Variants in PPP1R12A observed in about 807,000 individuals in gnomAD.
The protein encoded by PPP1R12A is protein phosphatase 1 regulatory subunit 12A.
Under a neutral mutation model 139.6 loss-of-function variants are expected in PPP1R12A, and 19 were observed. That is an observed-to-expected ratio of 0.14 (90% CI 0.09 to 0.20). PPP1R12A has a LOEUF of 0.20. Ranked by LOEUF, PPP1R12A falls within the 10% of genes least tolerant of loss-of-function variation. The pLI is 1.00. For synonymous variants in PPP1R12A, 427 were observed against 420.6 expected (o/e 1.02, Z -0.19); for missense variants, 925 against 1,211.5 (o/e 0.76, Z 3.51).
At chr12:79,891,180 A>G (rs1884612163) in intron 1 of PPP1R12A, among the ~76,000 whole-genome samples, 3 of 152,188 alleles carry the variant, frequency 2.0e-5, no homozygotes, top group Non-Finnish European at 4.4e-5. Flanking sequence ...TTTTAAAAAA[A>G]TAAAAAATGA....
intron 14 of PPP1R12A, among the ~76,000 whole-genome samples, chr12:79,801,345 C>CAAAAAAAAAAAAAAAAAAA (rs201977462): frequency 9.9e-5 from 2 of 20,186 alleles, no homozygotes; most frequent in African/African-American, 1.3e-4. Context: ...AACTCTGTCT[C>CAAAAAAAAAAAAAAAAAAA]AAAAAAAAAA....
intron 2 of PPP1R12A, among the ~76,000 whole-genome samples, chr12:79,855,089 T>G (rs1880482812): frequency 6.6e-6 from 1 of 152,006 alleles, no homozygotes; most frequent in Non-Finnish European, 1.5e-5. Context: ...CCCGGGTTCA[T>G]GCCATTCTCC....
intron 22 of PPP1R12A, among the ~76,000 whole-genome samples, chr12:79,785,661 G>T (rs1259566746): frequency 6.6e-6 from 1 of 152,108 alleles, no homozygotes. Context: ...ATGCCTTAGA[G>T]CCTTTAGCAT....
At chr12:79,899,991 T>C (rs1885487889) in intron 1 of PPP1R12A, among the ~76,000 whole-genome samples, 1 of 152,228 alleles carries the variant, frequency 6.6e-6, no homozygotes, top group Admixed American at 6.5e-5. Context: ...ATTCATATAT[T>C]TGTCTTGTCT....
At position 79,781,839 on chromosome 12, in the gene PPP1R12A, T is replaced by C; in HGVS notation, c.2931A>G (p.Arg977=). ...ATQRQERFAD[R]SLLEMEKRER... ...CCCTTTTTTCCATTTCCAACAGTGATCTATCAGCAAATCTTTCTTGTCTCT... is the reference window on the plus strand; with the variant it reads ...CCCTTTTTTCCATTTCCAACAGTGACCTATCAGCAAATCTTTCTTGTCTCT... The change falls in exon 23 of 25, where the codon AGA becomes AGG. Residue 977 remains arginine (R), a synonymous_variant. Transcript: ENST00000450142. 6.5e-7 allele frequency: 1 copy of C among 1,544,568 alleles called. No homozygotes were observed. The highest frequency in any genetic ancestry group is 1.2e-5 in the South Asian group (1 of 82,010).
At chr12:79,865,286 T>A (rs887142028) in intron 2 of PPP1R12A, among the ~76,000 whole-genome samples, 1 of 152,094 alleles carries the variant, frequency 6.6e-6, no homozygotes, top group Non-Finnish European at 1.5e-5. Context: ...TGCTAAAAAC[T>A]CTCAATAAAC....
At chr12:79,927,602 A>C (rs1014829555) in intron 1 of PPP1R12A, among the ~76,000 whole-genome samples, 19 of 152,352 alleles carry the variant, frequency 1.2e-4, no homozygotes, top group African/African-American at 4.6e-4. Flanking sequence ...TTTCTTCTTC[A>C]GACTTCAAAG....
Position 79,845,384 on chromosome 12 carries a change from G to A in PPP1R12A, c.405C>T (p.Val135=), listed in dbSNP as rs1426290715. 1 of 1,613,350 alleles carries A rather than the reference G, an allele frequency of 6.2e-7. No homozygotes were observed. Residue 135 remains valine, a synonymous_variant, in exon 3 of 25, where the codon GTC becomes GTT. Transcript: ENST00000450142. ...CTAAAGGTGTATCTCCTTCACTGTT[G>A]ACAGCCCCTACATGTGCTCCTTGAC... ...LIGQGAHVGA[V]NSEGDTPLDI... is the part of the protein sequence containing the mutation.
At chr12:79,927,032 GAA>G (rs10707326) in intron 1 of PPP1R12A, among the ~76,000 whole-genome samples, 5 of 149,412 alleles carry the variant, frequency 3.3e-5, no homozygotes, top group African/African-American at 5.0e-5. Flanking sequence ...CTCTGTCAAA[GAA>G]AAAAAAAAAT....
At chr12:79,920,393 G>A (rs1160503252) in intron 1 of PPP1R12A, among the ~76,000 whole-genome samples, 1 of 152,212 alleles carries the variant, frequency 6.6e-6, no homozygotes, top group Non-Finnish European at 1.5e-5. Flanking sequence ...GAACTGCTGG[G>A]TCATACGGTA....
intron 2 of PPP1R12A, among the ~76,000 whole-genome samples, chr12:79,846,896 A>G (rs112318765): frequency 1.0e-3 from 158 of 152,202 alleles, no homozygotes; most frequent in African/African-American, 3.7e-3. Flanking sequence ...TGTAGTTCTA[A>G]ATTAAACCAT....
intron 2 of PPP1R12A, among the ~76,000 whole-genome samples, chr12:79,871,920 A>G (rs934907936): frequency 3.9e-5 from 6 of 152,174 alleles, no homozygotes; most frequent in Admixed American, 2.0e-4. Context: ...CAAATTATGG[A>G]AAGATGTCGT....
intron 1 of PPP1R12A, among the ~76,000 whole-genome samples, chr12:79,884,235 G>C (rs1464283569): frequency 6.6e-6 from 1 of 152,068 alleles, no homozygotes; most frequent in African/African-American, 2.4e-5. Context: ...CTGGCTCTTT[G>C]AAAGACATTA....
chr12:79,852,774 C>A (rs993552753), intron 2 of PPP1R12A, among the ~76,000 whole-genome samples: 3 of 152,118 alleles, frequency 2.0e-5, no homozygotes, highest in African/African-American at 2.4e-5. Flanking sequence ...GAAGCTACTG[C>A]TCCCATGTAG....
Position 79,775,936 on chromosome 12 carries a change from G to A in PPP1R12A, c.3086C>T (p.Ser1029Phe). The A allele has an allele frequency of 6.4e-7, 1 of 1,567,474 alleles. No individual in the cohort carries two copies. The highest frequency in any genetic ancestry group is 8.6e-7 in the Non-Finnish European group (1 of 1,157,016). The change falls in exon 25 of 25, where the codon TCC becomes TTC. Residue 1029 changes from serine to phenylalanine, a missense_variant. This residue lies in a region of PPP1R12A where 315 missense variants were observed against 363.4 expected (regional missense o/e 0.87). Coordinates refer to ENST00000450142, the MANE Select transcript of PPP1R12A (RefSeq NM_002480.3). ...TTGCTGCTTTTTTTTTTTTTATTTG[G>A]AAAGTTTGCTTATAACTCTGATCAA... ...GALIRVISKLSK is the reference protein window; with the variant it reads ...GALIRVISKLFK
chr12:79,795,687 C>T lies in PPP1R12A; in HGVS notation c.2534G>A (p.Arg845Gln). Reference protein sequence around the residue: ...SQPKSIRERRRPREKRRSTGV... With the variant: ...SQPKSIRERRQPREKRRSTGV... ...TGTAGATCTTCTTTTCTCTCTTGGT[C>T]GTCGTCGTTCTCTGATTGATTTAGG... is the stretch of plus-strand genomic sequence containing the variant. The change falls in exon 18 of 25, where the codon CGA (arginine) becomes CAA (glutamine). Residue 845 changes from arginine (R) to glutamine (Q), a missense_variant. By Grantham distance (43) the Arg-to-Gln change is conservative. This residue lies in a region of PPP1R12A where 315 missense variants were observed against 363.4 expected (regional missense o/e 0.87). Coordinates refer to ENST00000450142, the MANE Select transcript of PPP1R12A (RefSeq NM_002480.3). 2 of 1,612,036 alleles carry T rather than the reference C, an allele frequency of 1.2e-6. No homozygotes were observed. The highest frequency in any genetic ancestry group is 1.7e-6 in the Non-Finnish European group (2 of 1,179,120).
At chr12:79,904,353 T>G (rs1885909419) in intron 1 of PPP1R12A, among the ~76,000 whole-genome samples, 1 of 152,160 alleles carries the variant, frequency 6.6e-6, no homozygotes. Flanking sequence ...CCATTCATTC[T>G]GTATCCCCGA....
At chr12:79,908,302 G>A (rs1427178363) in intron 1 of PPP1R12A, among the ~76,000 whole-genome samples, 2 of 152,134 alleles carry the variant, frequency 1.3e-5, no homozygotes, top group East Asian at 1.9e-4. Flanking sequence ...TTGTAGTAGT[G>A]GAAGCATCTA....
chr12:79,799,755 A>ATAC (rs1485652994), intron 14 of PPP1R12A, among the ~76,000 whole-genome samples: 1 of 152,122 alleles, frequency 6.6e-6, no homozygotes, highest in Non-Finnish European at 1.5e-5. Flanking sequence ...CATGCCTGTA[A>ATAC]TTCCAGCACA....
Sources: gnomAD v4.1 joint callset for allele counts (sites outside exome capture counted in the v4.1 genomes callset) on GRCh38, gnomAD v4.1.1 for gene constraint, gnomAD v4.1.1 regional missense constraint, MANE v1.5 for transcripts, NCBI Gene and HGNC (gene_info 2026-07-23, HGNC 2026-07-21) for gene names.